The following ZBTB46 variants were observed in gnomAD, a reference collection of about 807,000 sequenced individuals.
ZBTB46 encodes zinc finger and BTB domain-containing protein 46.
Under a neutral mutation model 44.1 loss-of-function variants are expected in ZBTB46, and 8 were observed. That is an observed-to-expected ratio of 0.18 (90% CI 0.11 to 0.33). The LOEUF (loss-of-function observed/expected upper bound fraction) is 0.33. ZBTB46 is among the 10% of genes least tolerant of loss of function. The probability of loss-of-function intolerance (pLI) is 1.00; values close to 1 mark genes in which losing one functional copy is unlikely to be tolerated. For missense variants in ZBTB46, 651 were observed against 847.7 expected, an observed-to-expected ratio of 0.77 and a Z score of 2.88; for synonymous variants, 409 against 382.3, an observed-to-expected ratio of 1.07 and a Z score of -0.81.
At position 63,800,700 on chromosome 20, in the gene ZBTB46, C is replaced by T. The variant is rs113990668; in HGVS notation, c.-33-9910G>A. ...GGCTTAGCACCCGGGCCAGCAGCTG[C>T]GGAGGGTGTCCGCCAGCAGTGCCGG... On this transcript the variant is annotated intron_variant, in intron 1 of 4. Coordinates refer to ENST00000245663, the MANE Select transcript of ZBTB46 (RefSeq NM_001369741.1). 9.1e-3 allele frequency among the ~76,000 whole-genome samples: 1,380 copies of T among 152,356 alleles called. 10 individuals carry two copies. Among genetic ancestry groups the T allele is most frequent in the Non-Finnish European group, 0.014 (964 of 68,026 alleles).
At position 63,789,917 on chromosome 20, in the gene ZBTB46, G is replaced by A. The variant is rs767812969; in HGVS notation, c.841C>T (p.His281Tyr). Residue 281 changes from histidine (H) to tyrosine (Y), a missense_variant, in exon 2 of 5, where the codon CAC (histidine) becomes TAC (tyrosine). His to Tyr is a moderately conservative substitution (Grantham distance 83, BLOSUM62 2). This residue lies in a region of ZBTB46 where 385 missense variants were observed against 423.3 expected (regional missense o/e 0.91). Transcript: ENST00000245663. ...TCATCTTCCACCTGCTGTGTGATGT[G>A]CCGGACGGTCTCTTTGTTTTTCCGA... ...KNRKNKETVRHITQQVEDDSR... is the reference protein window; with the variant it reads ...KNRKNKETVRYITQQVEDDSR... The A allele has an allele frequency of 1.2e-6, 2 of 1,613,968 alleles. No homozygotes were observed. The highest frequency in any genetic ancestry group is 2.7e-5 in the African/African-American group (2 of 74,942).
Position 63,803,573 on chromosome 20 carries a change from C to T in ZBTB46, c.-33-12783G>A. 1 of 843,144 alleles carries T rather than the reference C, an allele frequency of 1.2e-6. No homozygotes were observed. Among genetic ancestry groups the T allele is most frequent in the South Asian group, 5.0e-5 (1 of 19,836 alleles). The allele number at this position is 843,144 out of a possible 1,614,324, so 52.2% of individuals were successfully genotyped here. ...GGCCCCGGGCTGCCCAGGCCCCGGG[C>T]TGCCCAGGTCTCTGTCGGAGGCCCT... On this transcript the variant is annotated intron_variant, in intron 1 of 4. Transcript: ENST00000245663. The surrounding 1 kb of genome is among the most constrained non-coding windows in gnomAD (Gnocchi z 4.0).
chr20:63,806,325 T>C (rs986698015), intron 1 of ZBTB46, among the ~76,000 whole-genome samples: 5 of 148,746 alleles, frequency 3.4e-5, no homozygotes, highest in African/African-American at 1.2e-4. Flanking sequence ...GAAAATTGCT[T>C]GAACCCGAGA....
intron 1 of ZBTB46, among the ~76,000 whole-genome samples, chr20:63,823,669 G>A (rs56123801): frequency 2.6e-5 from 4 of 152,050 alleles, no homozygotes; most frequent in Non-Finnish European, 4.4e-5. Context: ...CTGCACTCCA[G>A]CCTGGGCAAC....
intron 1 of ZBTB46, among the ~76,000 whole-genome samples, chr20:63,825,166 C>T (rs1333301841): frequency 2.0e-5 from 3 of 151,390 alleles, no homozygotes; most frequent in Non-Finnish European, 4.4e-5. Flanking sequence ...TTTGGGAGAC[C>T]GAGGCAGGCG....
chr20:63,815,245 G>T, intron 1 of ZBTB46: 1 of 275,320 alleles, frequency 3.6e-6, no homozygotes, highest in Non-Finnish European at 7.1e-6. Context: ...AATGGGTGCA[G>T]GTGCAGTGGG....
Position 63,803,313 on chromosome 20 carries a change from TA to T in ZBTB46, c.-33-12524del. 1 of 985,302 alleles carries T rather than the reference TA, an allele frequency of 1.0e-6. No individual in the cohort carries two copies. Among genetic ancestry groups the T allele is most frequent in the Non-Finnish European group, 1.2e-6 (1 of 829,792 alleles). 61.0% of individuals were successfully genotyped at this position (985,302 alleles called of 1,614,324 possible). On this transcript the variant is annotated intron_variant, in intron 1 of 4. Transcript: ENST00000245663. This position sits in a 1 kb window ranked among gnomAD's most constrained non-coding sequence, Gnocchi z 4.0. ...AATACTGTGAAACTGTCGTACAAAT[TA>T]AATTTCATATACATCATATTACCAT...
At chr20:63,784,120 AG>A (rs569417162) in intron 2 of ZBTB46, among the ~76,000 whole-genome samples, 11 of 152,314 alleles carry the variant, frequency 7.2e-5, no homozygotes, top group African/African-American at 2.6e-4. Flanking sequence ...GAACACCAGA[AG>A]GGGACACAGC....
At chr20:63,831,372 CCCGCGCCGCGCCCCGG>C (rs1223614432), upstream of ZBTB46, 1 of 142,022 alleles carries the variant, frequency 7.0e-6, no homozygotes, top group Non-Finnish European at 1.6e-5. Context: ...CGCTGATTGG[CCCGCGCCGCGCCCCGG>C]CCGCGGCCAC....
intron 1 of ZBTB46, among the ~76,000 whole-genome samples, chr20:63,820,723 C>T (rs572575273): frequency 2.0e-4 from 30 of 152,074 alleles, no homozygotes; most frequent in African/African-American, 6.5e-4. Flanking sequence ...TGAGCCACCG[C>T]GCCCAGCCTA....
In ZBTB46 at chr20:63,767,941, G is replaced by A. The variant is rs1194682101; in HGVS notation, c.1222+7737C>T. Reference sequence around the variant, plus strand: ...GCCAGCGGGAGCCAACTCTGGAAGAGGACTGCTCCGCCCAGCTCTCCACGC... The same window carrying A: ...GCCAGCGGGAGCCAACTCTGGAAGAAGACTGCTCCGCCCAGCTCTCCACGC... On this transcript the variant is annotated intron_variant, in intron 3 of 4. Coordinates refer to ENST00000245663, the MANE Select transcript of ZBTB46 (RefSeq NM_001369741.1). The surrounding 1 kb of genome is among the most constrained non-coding windows in gnomAD (Gnocchi z 5.0). 2 of 985,338 alleles carry A rather than the reference G, an allele frequency of 2.0e-6. No individual in the cohort carries two copies. The highest frequency in any genetic ancestry group is 3.5e-5 in the African/African-American group (2 of 57,258). The allele number at this position is 985,338 out of a possible 1,614,324, so 61.0% of individuals were successfully genotyped here.
At chr20:63,824,159 C>G (rs993915806) in intron 1 of ZBTB46, among the ~76,000 whole-genome samples, 3 of 152,028 alleles carry the variant, frequency 2.0e-5, no homozygotes, top group Admixed American at 2.0e-4. Flanking sequence ...CAGCCGGCCT[C>G]CCTGAAGCAT....
intron 1 of ZBTB46, among the ~76,000 whole-genome samples, chr20:63,830,809 G>A (rs1191384220): frequency 1.4e-5 from 2 of 143,980 alleles, no homozygotes; most frequent in Non-Finnish European, 3.1e-5. Context: ...TCAGCCCCGC[G>A]GGGAACCCGC....
At chr20:63,821,824 T>A (rs1405886550) in intron 1 of ZBTB46, among the ~76,000 whole-genome samples, 3 of 152,152 alleles carry the variant, frequency 2.0e-5, no homozygotes, top group Admixed American at 1.3e-4. Flanking sequence ...AATGTTTCAT[T>A]CACTTTGGAA....
rs1439345745 is a variant in ZBTB46, at chr20:63,803,875, T to A, written c.-33-13085A>T. ...GGGGCACGCCACCACACGGGCTAAT[T>A]TTTTTGTTTTGTAGAGACGGGGTTC... On this transcript the variant is annotated intron_variant, in intron 1 of 4. Coordinates refer to ENST00000245663, the MANE Select transcript of ZBTB46 (RefSeq NM_001369741.1). The surrounding 1 kb of genome is among the most constrained non-coding windows in gnomAD (Gnocchi z 4.0). 6.6e-6 allele frequency among the ~76,000 whole-genome samples: 1 copy of A among 152,166 alleles called. No homozygotes were observed. Among genetic ancestry groups the A allele is most frequent in the Non-Finnish European group, 1.5e-5 (1 of 68,024 alleles).
intron 2 of ZBTB46, among the ~76,000 whole-genome samples, chr20:63,789,552 C>G (rs796645206): frequency 1.1e-4 from 17 of 152,356 alleles, no homozygotes; most frequent in African/African-American, 3.8e-4. Context: ...CAGAGGGGCC[C>G]AGCCCAGGCA....
At chr20:63,791,017 G>GT (rs1198491346) in intron 1 of ZBTB46, 1 of 501,676 alleles carries the variant, frequency 2.0e-6, no homozygotes, top group Non-Finnish European at 3.4e-6. Flanking sequence ...CGTCTGCCAC[G>GT]TGTTTCCGTG....
Position 63,798,646 on chromosome 20 carries a change from G to A in ZBTB46, c.-33-7856C>T, listed in dbSNP as rs190770309. On this transcript the variant is annotated intron_variant, in intron 1 of 4. Transcript: ENST00000245663. ...GCCAAGATCATGCCACTGCACTCCA[G>A]CCTGGCCAACAGAGCTAGACTCTGT... Among the ~76,000 whole-genome samples, 108 of 113,724 alleles carry A rather than the reference G, an allele frequency of 9.5e-4. 2 individuals carry two copies. In the East Asian group the frequency reaches 0.029, roughly 31 times the overall value. 74.6% of individuals were successfully genotyped at this position (113,724 alleles called of 152,430 possible).
chr20:63,760,616 C>T (rs2092265385), intron 3 of ZBTB46, among the ~76,000 whole-genome samples: 1 of 152,110 alleles, frequency 6.6e-6, no homozygotes, highest in Non-Finnish European at 1.5e-5. Context: ...GTCACCACAC[C>T]TGGCTAATTT....
Sources: allele counts gnomAD v4.1 joint callset (sites outside exome capture counted in the v4.1 genomes callset), GRCh38; gene constraint gnomAD v4.1.1; regional missense constraint gnomAD v4.1.1; non-coding constraint Gnocchi (gnomAD v3.1); transcripts MANE v1.5; gene names NCBI Gene and HGNC (gene_info 2026-07-23, HGNC 2026-07-21).